STAP1: variants seen among roughly 807,000 people sequenced by gnomAD.
The protein encoded by STAP1 is signal transducing adaptor family member 1.
Under a neutral mutation model 37.8 loss-of-function variants are expected in STAP1, and 30 were observed. The ratio of observed to expected loss-of-function variants is 0.79; its 90% CI spans 0.59 to 1.08. The LOEUF (loss-of-function observed/expected upper bound fraction) is 1.08. STAP1 is among the 50% of genes least tolerant of loss of function. The probability of loss-of-function intolerance (pLI) is 0.00; values close to 1 mark genes in which losing one functional copy is unlikely to be tolerated. For synonymous variants in STAP1, 130 were observed against 116.0 expected (o/e 1.12, Z -0.78); for missense variants, 357 against 349.4 (o/e 1.02, Z -0.17).
intron 1 of STAP1, among the ~76,000 whole-genome samples, chr4:67,560,641 T>TGG (rs35235095): frequency 0.29 from 32,936 of 113,938 alleles, 3,613 homozygotes; most frequent in Non-Finnish European, 0.33. Context: ...TTTGTGTGTG[T>TGG]GGGTGTGTGT....
chr4:67,583,545 A>G (rs920492413), intron 5 of STAP1, 29 bp from the exon 6 acceptor site: 2 of 1,567,632 alleles, frequency 1.3e-6, no homozygotes, highest in African/African-American at 1.4e-5. Context: ...TTAAAAAAAC[A>G]ATTCTGTTTT....
chr4:67,593,647 G>C (rs1345166547), intron 8 of STAP1, among the ~76,000 whole-genome samples: 1 of 152,022 alleles, frequency 6.6e-6, no homozygotes, highest in Non-Finnish European at 1.5e-5. Context: ...CAAATTCAGA[G>C]GTAAGAGGAA....
intron 1 of STAP1, among the ~76,000 whole-genome samples, chr4:67,561,606 G>A (rs1727338753): frequency 6.6e-6 from 1 of 152,074 alleles, no homozygotes; most frequent in Non-Finnish European, 1.5e-5. Flanking sequence ...TAATCTTTAT[G>A]GAAAAGATAA....
intron 1 of STAP1, among the ~76,000 whole-genome samples, chr4:67,568,311 G>A (rs900457226): frequency 2.6e-5 from 4 of 152,112 alleles, no homozygotes; most frequent in Admixed American, 1.3e-4. Flanking sequence ...TATATTAATC[G>A]CCAATATCAT....
chr4:67,570,238 A>C (rs564073281), intron 1 of STAP1, among the ~76,000 whole-genome samples: 78 of 152,336 alleles, frequency 5.1e-4, no homozygotes, highest in African/African-American at 1.8e-3. Context: ...GTCATTTATT[A>C]ATCATTAACA....
intron 8 of STAP1, among the ~76,000 whole-genome samples, chr4:67,597,205 C>T (rs901255516): frequency 2.0e-5 from 3 of 152,224 alleles, no homozygotes; most frequent in Admixed American, 2.0e-4. Flanking sequence ...TGAGGTACAG[C>T]TCAGGTTGGT....
intron 3 of STAP1, 38 bp downstream of exon 3, chr4:67,575,536 G>T: frequency 7.0e-7 from 1 of 1,437,892 alleles, no homozygotes; most frequent in Non-Finnish European, 9.7e-7. Flanking sequence ...AAGGGTTGTG[G>T]TTATAAATAA....
intron 1 of STAP1, among the ~76,000 whole-genome samples, chr4:67,560,859 G>C (rs1198169443): frequency 6.6e-6 from 1 of 152,170 alleles, no homozygotes; most frequent in East Asian, 1.9e-4. Context: ...ACGTTGTTCA[G>C]GTTGGTCTCA....
Position 67,575,411 on chromosome 4 carries a change from C to T in STAP1, c.219C>T (p.Asp73=). 3 of 1,598,832 alleles carry T rather than the reference C, an allele frequency of 1.9e-6. No individual in the cohort carries two copies. The highest frequency in any genetic ancestry group is 1.7e-6 in the Non-Finnish European group (2 of 1,175,736). ...IIYVDKLDIV[D]LTCLTEQNST... ...ATGTTGACAAATTAGACATAGTAGA[C>T]CTCACATGCCTTACTGAGCAGAATT... The change falls in exon 3 of 9, where the codon GAC becomes GAT. Residue 73 remains aspartate, a synonymous_variant. Transcript: ENST00000265404.
At chr4:67,604,589 C>T (rs975881152) in intron 8 of STAP1, among the ~76,000 whole-genome samples, 5 of 152,208 alleles carry the variant, frequency 3.3e-5, no homozygotes, top group African/African-American at 9.6e-5. Context: ...ATAATTTCAA[C>T]ATCTTGGTTA....
chr4:67,603,422 C>CCCTTT (rs1728386508), intron 8 of STAP1, among the ~76,000 whole-genome samples: 1 of 152,154 alleles, frequency 6.6e-6, no homozygotes, highest in African/African-American at 2.4e-5. Flanking sequence ...CTTTACTCTT[C>CCCTTT]CCTTTCCTTT....
chr4:67,568,791 A>G (rs1306132998), intron 1 of STAP1, among the ~76,000 whole-genome samples: 3 of 152,202 alleles, frequency 2.0e-5, no homozygotes, highest in Non-Finnish European at 4.4e-5. Context: ...CTTTACATGT[A>G]TTAATTCATT....
intron 4 of STAP1, among the ~76,000 whole-genome samples, chr4:67,580,099 C>G (rs989246790): frequency 3.9e-5 from 6 of 152,160 alleles, no homozygotes; most frequent in Non-Finnish European, 5.9e-5. Context: ...CTCAAGTGAT[C>G]CACCCACCTT....
intron 6 of STAP1, among the ~76,000 whole-genome samples, chr4:67,584,755 G>C (rs1578030786): frequency 6.6e-6 from 1 of 152,176 alleles, no homozygotes; most frequent in African/African-American, 2.4e-5. Flanking sequence ...AGAGCAAAGA[G>C]AAAAGTGGTA....
chr4:67,597,159 C>T (rs1728243208), intron 8 of STAP1, among the ~76,000 whole-genome samples: 1 of 152,196 alleles, frequency 6.6e-6, no homozygotes, highest in Non-Finnish European at 1.5e-5. Flanking sequence ...GCCCTCTGTC[C>T]CAGCTGTGCC....
At chr4:67,585,663 T>C (rs1727964895) in intron 6 of STAP1, among the ~76,000 whole-genome samples, 1 of 152,236 alleles carries the variant, frequency 6.6e-6, no homozygotes, top group Non-Finnish European at 1.5e-5. Flanking sequence ...TTCAATTCTA[T>C]TGAAATACAG....
intron 4 of STAP1, among the ~76,000 whole-genome samples, chr4:67,578,890 G>A (rs923899713): frequency 2.0e-5 from 3 of 149,694 alleles, no homozygotes; most frequent in African/African-American, 7.4e-5. Flanking sequence ...GTGCAGTGGT[G>A]CAATCTTGGC....
At chr4:67,577,294 T>C (rs758761728) in intron 4 of STAP1, 35 bp downstream of exon 4, 3 of 1,576,366 alleles carry the variant, frequency 1.9e-6, no homozygotes, top group South Asian at 2.4e-5. Context: ...GATTCTTTTT[T>C]TTTTTCAACA....
intron 5 of STAP1, 61 bp downstream of exon 5, chr4:67,581,532 AAGGAG>A: frequency 6.5e-7 from 1 of 1,534,476 alleles, no homozygotes; most frequent in Non-Finnish European, 8.8e-7. Context: ...TCTAATTATA[AAGGAG>A]AGTTAGTCAC....
Sources: gnomAD v4.1 joint callset for allele counts (sites outside exome capture counted in the v4.1 genomes callset) on GRCh38, gnomAD v4.1.1 for gene constraint, MANE v1.5 for transcripts, NCBI Gene and HGNC (gene_info 2026-07-23, HGNC 2026-07-21) for gene names.